The following CDH18 variants were observed in gnomAD, a reference collection of about 807,000 sequenced individuals.
CDH18 encodes cadherin-18.
Under a neutral mutation model 67.9 loss-of-function variants are expected in CDH18, and 31 were observed. The observed-to-expected ratio is 0.46, with a 90% CI of 0.34 to 0.62. CDH18 has a LOEUF of 0.62. CDH18 is among the 20% of genes least tolerant of loss of function. The probability of loss-of-function intolerance (pLI) is 0.01; values close to 1 mark genes in which losing one functional copy is unlikely to be tolerated. For missense variants in CDH18, 890 were observed against 975.5 expected (o/e 0.91, Z 1.17); for synonymous variants, 362 against 347.2 (o/e 1.04, Z -0.48).
At chr5:19,516,837 G>T (rs1308212275) in intron 10 of CDH18, among the ~76,000 whole-genome samples, 2 of 151,730 alleles carry the variant, frequency 1.3e-5, no homozygotes, top group East Asian at 1.9e-4. Flanking sequence ...GGTTTTTTGT[G>T]TCTCTATCTA....
At chr5:20,498,876 A>T (rs751653139) in intron 1 of CDH18, among the ~76,000 whole-genome samples, 1 of 152,112 alleles carries the variant, frequency 6.6e-6, no homozygotes, top group Admixed American at 6.6e-5. Context: ...TACATTTCAT[A>T]TTTCTATGCT....
At chr5:20,252,541 A>C (rs531562431) in intron 2 of CDH18, among the ~76,000 whole-genome samples, 1 of 152,302 alleles carries the variant, frequency 6.6e-6, no homozygotes, top group African/African-American at 2.4e-5. Flanking sequence ...TAATAGGAAC[A>C]GTTATATCTC....
intron 1 of CDH18, among the ~76,000 whole-genome samples, chr5:20,484,412 G>A (rs1024623452): frequency 6.6e-5 from 10 of 152,036 alleles, no homozygotes; most frequent in Non-Finnish European, 1.3e-4. Flanking sequence ...ATATGATCCA[G>A]TAATCTCATT....
intron 2 of CDH18, among the ~76,000 whole-genome samples, chr5:20,109,651 G>C (rs927551161): frequency 1.3e-5 from 2 of 152,132 alleles, no homozygotes; most frequent in South Asian, 2.1e-4. Flanking sequence ...AGTATGGAAT[G>C]TATAGCCTTT....
intron 8 of CDH18, among the ~76,000 whole-genome samples, chr5:19,556,590 TA>T (rs1738469963): frequency 6.6e-6 from 1 of 151,830 alleles, no homozygotes; most frequent in South Asian, 2.1e-4. Flanking sequence ...AAAAAAAATT[TA>T]AAAAACGAGC....
intron 5 of CDH18, among the ~76,000 whole-genome samples, chr5:19,687,170 G>A (rs947600678): frequency 4.6e-5 from 7 of 152,158 alleles, no homozygotes; most frequent in Non-Finnish European, 1.0e-4. Context: ...ATGCCGGCAT[G>A]CTGTGAGACT....
chr5:20,311,941 A>G (rs1399874076), intron 1 of CDH18, among the ~76,000 whole-genome samples: 5 of 152,164 alleles, frequency 3.3e-5, no homozygotes, highest in African/African-American at 1.2e-4. Flanking sequence ...AGCTGAGGAA[A>G]TACTTCTATT....
At chr5:20,061,490 T>C (rs1473249828) in intron 2 of CDH18, among the ~76,000 whole-genome samples, 1 of 152,188 alleles carries the variant, frequency 6.6e-6, no homozygotes, top group Non-Finnish European at 1.5e-5. Context: ...TTTAGATGTA[T>C]AAATAATTAG....
chr5:20,296,245 T>C (rs1747508216), intron 1 of CDH18, among the ~76,000 whole-genome samples: 1 of 150,668 alleles, frequency 6.6e-6, no homozygotes. Context: ...TTTTTGTTTG[T>C]TTGTTTTTGT....
At chr5:20,252,051 T>C (rs1205272520) in intron 2 of CDH18, among the ~76,000 whole-genome samples, 3 of 152,168 alleles carry the variant, frequency 2.0e-5, no homozygotes, top group Non-Finnish European at 2.9e-5. Flanking sequence ...AAAATTCAAA[T>C]ACTTATGCAG....
At chr5:19,906,192 T>C (rs567177519) in intron 2 of CDH18, among the ~76,000 whole-genome samples, 3 of 151,960 alleles carry the variant, frequency 2.0e-5, no homozygotes, top group Non-Finnish European at 4.4e-5. Flanking sequence ...AATTCCATGA[T>C]AGCAGGGATT....
chr5:20,059,628 A>G (rs992527513), intron 2 of CDH18, among the ~76,000 whole-genome samples: 3 of 152,216 alleles, frequency 2.0e-5, no homozygotes, highest in Non-Finnish European at 2.9e-5. Flanking sequence ...TACACAAAAG[A>G]TTATAAATCA....
chr5:19,692,216 T>C (rs1761981331), intron 5 of CDH18, among the ~76,000 whole-genome samples: 2 of 152,250 alleles, frequency 1.3e-5, no homozygotes, highest in South Asian at 2.1e-4. Flanking sequence ...TCTCTCACCA[T>C]GTACAAATAT....
intron 2 of CDH18, among the ~76,000 whole-genome samples, chr5:19,852,594 T>C (rs1783832741): frequency 6.6e-6 from 1 of 152,050 alleles, no homozygotes; most frequent in Non-Finnish European, 1.5e-5. Context: ...TCTTACTAAA[T>C]ATTCTCTACT....
chr5:19,867,427 T>A (rs1190552419), intron 2 of CDH18, among the ~76,000 whole-genome samples: 1 of 152,172 alleles, frequency 6.6e-6, no homozygotes, highest in African/African-American at 2.4e-5. Flanking sequence ...ATATTTTATA[T>A]TTACATCAAT....
intron 2 of CDH18, among the ~76,000 whole-genome samples, chr5:19,969,852 T>TA (rs1177208033): frequency 6.6e-6 from 1 of 151,618 alleles, no homozygotes; most frequent in Admixed American, 6.6e-5. Context: ...AATAATAAAA[T>TA]AAAAAAAGAA....
chr5:20,197,169 A>G (rs1739048541), intron 2 of CDH18, among the ~76,000 whole-genome samples: 1 of 151,974 alleles, frequency 6.6e-6, no homozygotes, highest in South Asian at 2.1e-4. Context: ...CCACTGCCAC[A>G]CCTGGCTAAT....
chr5:19,672,088 A>C (rs1758828356), intron 5 of CDH18, among the ~76,000 whole-genome samples: 2 of 152,152 alleles, frequency 1.3e-5, no homozygotes, highest in South Asian at 4.1e-4. Context: ...AATACTGGTA[A>C]AATCTCAGTG....
At chr5:20,353,005 C>T (rs1040922661) in intron 1 of CDH18, among the ~76,000 whole-genome samples, 2 of 152,198 alleles carry the variant, frequency 1.3e-5, no homozygotes, top group Non-Finnish European at 2.9e-5. Flanking sequence ...GCCTTTATGG[C>T]TTCTCTCAAG....
Sources: gnomAD v4.1 joint callset for allele counts (sites outside exome capture counted in the v4.1 genomes callset) on GRCh38, gnomAD v4.1.1 for gene constraint, MANE v1.5 for transcripts, NCBI Gene and HGNC (gene_info 2026-07-23, HGNC 2026-07-21) for gene names.